Variants in RGL1 observed in about 807,000 individuals in gnomAD.
RGL1 encodes ral guanine nucleotide dissociation stimulator-like 1.
Under a neutral mutation model 95.2 loss-of-function variants are expected in RGL1, and 24 were observed. That is an observed-to-expected ratio of 0.25 (90% CI 0.18 to 0.35). The LOEUF (loss-of-function observed/expected upper bound fraction) is 0.35, where lower values mean the gene tolerates loss of function less well. RGL1 is among the 10% of genes least tolerant of loss of function. The probability of loss-of-function intolerance (pLI) is 1.00; values close to 1 mark genes in which losing one functional copy is unlikely to be tolerated. For missense variants in RGL1, 715 were observed against 936.3 expected (o/e 0.76, Z 3.08); for synonymous variants, 329 against 344.9 (o/e 0.95, Z 0.51).
At chr1:183,833,964 G>GTTTTTTTTTTT (rs59912489) in intron 2 of RGL1, among the ~76,000 whole-genome samples, 1 of 140,588 alleles carries the variant, frequency 7.1e-6, no homozygotes, top group Non-Finnish European at 1.5e-5. Context: ...ATCTCTCTCT[G>GTTTTTTTTTTT]TTTTTTTTTT....
intron 3 of RGL1, among the ~76,000 whole-genome samples, chr1:183,856,387 TA>T (rs1665150230): frequency 2.0e-5 from 3 of 152,040 alleles, no homozygotes; most frequent in Admixed American, 2.0e-4. Context: ...GGGGGGTTAC[TA>T]AAATTAATGA....
chr1:183,713,060 C>G (rs577879794), intron 1 of RGL1, among the ~76,000 whole-genome samples: 1 of 152,272 alleles, frequency 6.6e-6, no homozygotes, highest in South Asian at 2.1e-4. Context: ...GAGTCTCCCT[C>G]TCTCGCCCAG....
At chr1:183,819,492 C>T (rs1662308930) in intron 2 of RGL1, among the ~76,000 whole-genome samples, 1 of 152,146 alleles carries the variant, frequency 6.6e-6, no homozygotes, top group Non-Finnish European at 1.5e-5. Flanking sequence ...TGTGGTTTTA[C>T]ATTCTTAAGT....
intron 1 of RGL1, among the ~76,000 whole-genome samples, chr1:183,715,160 G>T (rs1259576186): frequency 6.6e-6 from 1 of 152,116 alleles, no homozygotes; most frequent in Non-Finnish European, 1.5e-5. Flanking sequence ...CTACCCAAAA[G>T]TTACTGCCCA....
At chr1:183,767,677 G>T (rs1445466540) in intron 2 of RGL1, among the ~76,000 whole-genome samples, 1 of 152,190 alleles carries the variant, frequency 6.6e-6, no homozygotes, top group Non-Finnish European at 1.5e-5. Flanking sequence ...TGCTGGCCGG[G>T]TATGGTGGCT....
chr1:183,696,390 A>G (rs1654255287), intron 1 of RGL1, among the ~76,000 whole-genome samples: 1 of 152,214 alleles, frequency 6.6e-6, no homozygotes, highest in Non-Finnish European at 1.5e-5. Context: ...TATTTTCTCA[A>G]CTTTTTCCAA....
rs868331380 is a variant in RGL1 at position 183,713,388 on chromosome 1, C to T, written c.-32-28738C>T. Among the ~76,000 whole-genome samples, 4 of 130,150 alleles carry T rather than the reference C, an allele frequency of 3.1e-5. No homozygotes were observed. The East Asian group carries it at 7.2e-4, about 23-fold the overall frequency. 85.4% of individuals were successfully genotyped at this position (130,150 alleles called of 152,430 possible). ...AAAATCTAGAGGCACCCCCCCCCCCCGCTTTTATAATGACCCTTTTGACTG... is the reference window on the plus strand; with the variant it reads ...AAAATCTAGAGGCACCCCCCCCCCCTGCTTTTATAATGACCCTTTTGACTG... On this transcript the variant is annotated intron_variant, in intron 1 of 18. Transcript: ENST00000304685.
intron 2 of RGL1, among the ~76,000 whole-genome samples, chr1:183,751,967 G>A (rs1658029234): frequency 6.6e-6 from 1 of 152,136 alleles, no homozygotes; most frequent in African/African-American, 2.4e-5. Flanking sequence ...GTCTTGTTGG[G>A]AGCTGCAGAC....
intron 2 of RGL1, among the ~76,000 whole-genome samples, chr1:183,753,911 G>A (rs1159567319): frequency 6.7e-6 from 1 of 150,250 alleles, no homozygotes; most frequent in Non-Finnish European, 1.5e-5. Context: ...TGAACATGGT[G>A]TTTTGTTTCT....
At chr1:183,774,266 T>G (rs1202736200) in intron 2 of RGL1, among the ~76,000 whole-genome samples, 1 of 152,134 alleles carries the variant, frequency 6.6e-6, no homozygotes, top group Non-Finnish European at 1.5e-5. Context: ...TAAGCAGACA[T>G]AAGAATGTGA....
At chr1:183,710,100 G>T in intron 1 of RGL1, 1 of 189,982 alleles carries the variant, frequency 5.3e-6, no homozygotes, top group South Asian at 9.0e-5. Flanking sequence ...TCTCCTCCAG[G>T]CCTATGTGCC....
intron 4 of RGL1, among the ~76,000 whole-genome samples, chr1:183,869,621 ACT>A (rs1314964156): frequency 2.6e-5 from 4 of 151,680 alleles, no homozygotes; most frequent in Non-Finnish European, 5.9e-5. Flanking sequence ...TGTCTTTCTC[ACT>A]GTTTTTTCCC....
At chr1:183,800,694 C>A (rs1039300116), upstream of RGL1, among the ~76,000 whole-genome samples, 1 of 152,190 alleles carries the variant, frequency 6.6e-6, no homozygotes, top group Admixed American at 6.5e-5. Flanking sequence ...CACCATTCTA[C>A]TTCCTGCTTC....
chr1:183,641,963 T>C (rs1649954217), intron 1 of RGL1, among the ~76,000 whole-genome samples: 1 of 152,228 alleles, frequency 6.6e-6, no homozygotes, highest in Admixed American at 6.5e-5. Context: ...TTATAATTAT[T>C]TTAGTATCTT....
chr1:183,717,620 T>G (rs1293915427), intron 1 of RGL1, among the ~76,000 whole-genome samples: 4 of 152,180 alleles, frequency 2.6e-5, no homozygotes. Context: ...AAGAGAAAAT[T>G]CTATAGCAAA....
At chr1:183,898,536 A>G (rs1572572828) in intron 10 of RGL1, among the ~76,000 whole-genome samples, 1 of 152,212 alleles carries the variant, frequency 6.6e-6, no homozygotes, top group Non-Finnish European at 1.5e-5. Flanking sequence ...GAGGGAGGAG[A>G]TTAGAGACTG....
At chr1:183,863,766 T>C (rs1453860117) in intron 3 of RGL1, among the ~76,000 whole-genome samples, 4 of 152,188 alleles carry the variant, frequency 2.6e-5, no homozygotes, top group African/African-American at 9.7e-5. Flanking sequence ...AACTGGATCG[T>C]GTGCTCTGCC....
chr1:183,648,783 G>A (rs1388106784), intron 1 of RGL1: 1 of 1,580,948 alleles, frequency 6.3e-7, no homozygotes. Context: ...GGGCTCCATT[G>A]CTAGATTTAC....
At chr1:183,910,854 A>G (rs964992381) in intron 14 of RGL1, among the ~76,000 whole-genome samples, 2 of 152,024 alleles carry the variant, frequency 1.3e-5, no homozygotes, top group African/African-American at 4.8e-5. Flanking sequence ...TTCTTCTTTT[A>G]TGTCTTTAAT....
Sources: gnomAD v4.1 joint callset for allele counts (sites outside exome capture counted in the v4.1 genomes callset) on GRCh38, gnomAD v4.1.1 for gene constraint, MANE v1.5 for transcripts, NCBI Gene and HGNC (gene_info 2026-07-23, HGNC 2026-07-21) for gene names.